TMED10: variants seen among roughly 807,000 people sequenced by gnomAD.
The protein encoded by TMED10 is transmembrane p24 trafficking protein 10, also known as transmembrane emp24 domain-containing protein 10.
Under a neutral mutation model 23.1 loss-of-function variants are expected in TMED10, and 7 were observed. That is an observed-to-expected ratio of 0.30 (90% CI 0.17 to 0.57). The LOEUF (loss-of-function observed/expected upper bound fraction) is 0.57. Ranked by LOEUF, TMED10 falls within the 20% of genes least tolerant of loss-of-function variation. The probability of loss-of-function intolerance (pLI) is 0.91; values close to 1 mark genes in which losing one functional copy is unlikely to be tolerated. For synonymous variants in TMED10, 113 were observed against 106.9 expected (o/e 1.06, Z -0.35); for missense variants, 162 against 274.8 (o/e 0.59, Z 2.90).
At chr14:75,174,789 T>A (rs1896280501) in intron 1 of TMED10, among the ~76,000 whole-genome samples, 1 of 151,964 alleles carries the variant, frequency 6.6e-6, no homozygotes, top group Non-Finnish European at 1.5e-5. Flanking sequence ...ACGGCTGTAA[T>A]CCCAGCACTT....
At chr14:75,160,157 C>T (rs754071959) in intron 1 of TMED10, among the ~76,000 whole-genome samples, 11 of 152,180 alleles carry the variant, frequency 7.2e-5, no homozygotes, top group Non-Finnish European at 1.5e-4. Flanking sequence ...CCTGTTTGGG[C>T]ATTCTAAAAC....
At chr14:75,136,452 C>G (rs953975131) in intron 3 of TMED10, among the ~76,000 whole-genome samples, 1 of 152,208 alleles carries the variant, frequency 6.6e-6, no homozygotes, top group African/African-American at 2.4e-5. Context: ...AGCCACCATG[C>G]CCAGCTGATT....
At chr14:75,156,038 A>G (rs1422846442) in intron 1 of TMED10, among the ~76,000 whole-genome samples, 1 of 152,188 alleles carries the variant, frequency 6.6e-6, no homozygotes, top group Non-Finnish European at 1.5e-5. Context: ...CTAGAATAGC[A>G]TGCTAAGGAG....
intron 3 of TMED10, chr14:75,139,187 G>A (rs1031314146): frequency 4.2e-5 from 19 of 448,234 alleles, no homozygotes; most frequent in Middle Eastern, 6.5e-4. Context: ...GTATGTAAAT[G>A]TACACAGAAA....
At position 75,134,704 on chromosome 14, in the gene TMED10, C is replaced by T; in HGVS notation, c.*181G>A. 1 of 678,534 alleles carries T rather than the reference C, an allele frequency of 1.5e-6. No homozygotes were observed. Among genetic ancestry groups the T allele is most frequent in the South Asian group, 2.1e-5 (1 of 48,624 alleles). The allele number at this position is 678,534 out of a possible 1,614,324, so 42.0% of individuals were successfully genotyped here. On this transcript the variant is annotated 3_prime_UTR_variant, in exon 5 of 5. Transcript: ENST00000303575. Reference sequence around the variant, plus strand: ...ATCCTACCAAATTAAAAAGAAGTCCCTCATTGACTTGTTGGGTGTAGGTGG... The same window carrying T: ...ATCCTACCAAATTAAAAAGAAGTCCTTCATTGACTTGTTGGGTGTAGGTGG...
At position 75,134,841 on chromosome 14, in the gene TMED10, C is replaced by G; in HGVS notation, c.*44G>C. On this transcript the variant is annotated 3_prime_UTR_variant, in exon 5 of 5. Coordinates refer to ENST00000303575, the MANE Select transcript of TMED10 (RefSeq NM_006827.6). ...AGGCCAGGCACGTCCCAGCGATGTT[C>G]TGCTGGCTGAGGTACAAGGTGGGAG... 1 of 1,611,426 alleles carries G rather than the reference C, an allele frequency of 6.2e-7. No homozygotes were observed. Among genetic ancestry groups the G allele is most frequent in the South Asian group, 1.1e-5 (1 of 90,780 alleles).
At chr14:75,157,999 A>G (rs918225188) in intron 1 of TMED10, among the ~76,000 whole-genome samples, 3 of 152,168 alleles carry the variant, frequency 2.0e-5, no homozygotes, top group African/African-American at 7.2e-5. Context: ...GAAATGTCCA[A>G]AACCCACTCT....
At chr14:75,150,840 G>A (rs1041540471) in intron 2 of TMED10, among the ~76,000 whole-genome samples, 1 of 152,154 alleles carries the variant, frequency 6.6e-6, no homozygotes. Flanking sequence ...TAGCCCTAAA[G>A]AGTCTCCTTT....
intron 2 of TMED10, among the ~76,000 whole-genome samples, chr14:75,148,698 C>T (rs1309728407): frequency 6.6e-6 from 1 of 152,134 alleles, no homozygotes; most frequent in East Asian, 1.9e-4. Context: ...GGTACTGTAC[C>T]CTCTGATGCC....
At chr14:75,150,110 A>C (rs150241413) in intron 2 of TMED10, among the ~76,000 whole-genome samples, 222 of 152,280 alleles carry the variant, frequency 1.5e-3, no homozygotes, top group East Asian at 8.5e-3. Flanking sequence ...CACACACACA[A>C]AAAAAGGACT....
At chr14:75,170,382 C>T (rs1289346750) in intron 1 of TMED10, among the ~76,000 whole-genome samples, 2 of 152,076 alleles carry the variant, frequency 1.3e-5, no homozygotes, top group Non-Finnish European at 2.9e-5. Context: ...AATACCAATC[C>T]CCACAAAAAG....
At chr14:75,142,502 C>A (rs1263056183) in intron 3 of TMED10, among the ~76,000 whole-genome samples, 1 of 152,174 alleles carries the variant, frequency 6.6e-6, no homozygotes, top group African/African-American at 2.4e-5. Flanking sequence ...ATCTTTCAAG[C>A]CTCCTTGAAA....
intron 1 of TMED10, among the ~76,000 whole-genome samples, chr14:75,171,189 G>C (rs531838427): frequency 2.6e-5 from 4 of 151,596 alleles, no homozygotes; most frequent in African/African-American, 9.7e-5. Context: ...AAGGAGGGAG[G>C]AAGAGAGGAA....
chr14:75,175,506 C>T (rs901333830), intron 1 of TMED10, among the ~76,000 whole-genome samples: 11 of 151,932 alleles, frequency 7.2e-5, no homozygotes, highest in Non-Finnish European at 1.5e-4. Context: ...AAACCAAACA[C>T]CGCATGTTCT....
chr14:75,155,936 T>C (rs1896014931), intron 1 of TMED10, among the ~76,000 whole-genome samples: 2 of 152,236 alleles, frequency 1.3e-5, no homozygotes, highest in Admixed American at 6.5e-5. Context: ...ATAACCCTAC[T>C]GGCAAGAATT....
Position 75,152,145 on chromosome 14 carries a change from T to TA in TMED10, c.226-3dup. The stretch of plus-strand genomic sequence containing the variant: ...AATATGGCCAGCAGAATCTGTGATC[T>TA]AAAATAAGAAAAGTAGTAAGAATAG... On this transcript the variant is annotated splice_polypyrimidine_tract_variant and splice_region_variant and intron_variant, in intron 1 of 4. Transcript: ENST00000303575. The TA allele has an allele frequency of 6.2e-7, 1 of 1,611,972 alleles. No individual in the cohort carries two copies. Among genetic ancestry groups the TA allele is most frequent in the Middle Eastern group, 1.7e-4 (1 of 6,056 alleles).
intron 2 of TMED10, among the ~76,000 whole-genome samples, chr14:75,150,069 G>C (rs1265108486): frequency 6.6e-6 from 1 of 152,156 alleles, no homozygotes; most frequent in Non-Finnish European, 1.5e-5. Flanking sequence ...CTGCACTCCA[G>C]CCTGGGTGAC....
intron 3 of TMED10, among the ~76,000 whole-genome samples, chr14:75,146,994 AC>A (rs1447689151): frequency 2.6e-5 from 4 of 152,252 alleles, no homozygotes. Flanking sequence ...AAAACAAATC[AC>A]TTTTCTTAAC....
chr14:75,141,696 T>G lies in TMED10; in HGVS notation c.412-5810A>C, dbSNP rs569041067. ...CTATGTGAGTTTATTCTGTAAGTAC[T>G]AGAAATTTAATAAAGAAAACCAGAT... is the stretch of plus-strand genomic sequence containing the variant. On this transcript the variant is annotated intron_variant, in intron 3 of 4. Coordinates refer to ENST00000303575, the MANE Select transcript of TMED10 (RefSeq NM_006827.6). Among the ~76,000 whole-genome samples the G allele has an allele frequency of 3.3e-5, 5 of 152,346 alleles. No homozygotes were observed. The East Asian group carries it at 5.8e-4, about 18-fold the overall frequency.
Sources: gnomAD v4.1 joint callset for allele counts (sites outside exome capture counted in the v4.1 genomes callset) on GRCh38, gnomAD v4.1.1 for gene constraint, MANE v1.5 for transcripts, NCBI Gene and HGNC (gene_info 2026-07-23, HGNC 2026-07-21) for gene names.